ABCG5: variants seen among roughly 807,000 people sequenced by gnomAD.
ABCG5 encodes ATP binding cassette subfamily G member 5.
In ABCG5, 64 loss-of-function variants were observed where a neutral mutation model predicts 64.5. The observed-to-expected ratio is 0.99, with a 90% CI of 0.81 to 1.22. ABCG5 has a LOEUF of 1.22. Among genes scored for constraint, ABCG5 ranks in the 50% most tolerant of loss-of-function variants. The pLI, the probability that ABCG5 is intolerant of heterozygous loss-of-function variation, is 0.00. For synonymous variants in ABCG5, 385 were observed against 326.3 expected (o/e 1.18, Z -1.94); for missense variants, 908 against 829.5 (o/e 1.09, Z -1.16).
At chr2:43,813,848 G>C (rs751317893) in intron 12 of ABCG5, among the ~76,000 whole-genome samples, 9 of 150,994 alleles carry the variant, frequency 6.0e-5, no homozygotes, top group Non-Finnish European at 1.3e-4. Flanking sequence ...CTCCTGTGTA[G>C]CTGGGATTTA....
intron 6 of ABCG5, among the ~76,000 whole-genome samples, chr2:43,825,598 TTTGTTGTTA>T (rs1442679058): frequency 5.0e-4 from 76 of 150,848 alleles, no homozygotes; most frequent in African/African-American, 1.7e-3. Flanking sequence ...TTGTTGTTGT[TTTGTTGTTA>T]TTGTTGTTGT....
In ABCG5 at chr2:43,821,541, T is replaced by C. The variant is rs142984608; in HGVS notation, c.1463+1256A>G. On this transcript the variant is annotated intron_variant, in intron 10 of 12. Transcript: ENST00000405322. Reference sequence around the variant, plus strand: ...CCAGTGCCCTCACTGCCGCAGATGCTGGACCCCTTCTGCCATTCTTTGCCT... The same window carrying C: ...CCAGTGCCCTCACTGCCGCAGATGCCGGACCCCTTCTGCCATTCTTTGCCT... Among the ~76,000 whole-genome samples, 1,119 of 152,322 alleles carry C rather than the reference T, an allele frequency of 7.3e-3. 15 individuals carry two copies. The highest frequency in any genetic ancestry group is 0.026 in the African/African-American group (1,067 of 41,570).
chr2:43,817,876 T>C (rs889009603), intron 11 of ABCG5, among the ~76,000 whole-genome samples: 7 of 151,394 alleles, frequency 4.6e-5, no homozygotes, highest in African/African-American at 1.7e-4. Context: ...CGCCACTGCA[T>C]TCCAGCCTGG....
In ABCG5 at chr2:43,838,591, G is replaced by T; in HGVS notation, c.89C>A (p.Ala30Asp). 1 of 1,611,224 alleles carries T rather than the reference G, an allele frequency of 6.2e-7. No individual in the cohort carries two copies. Among genetic ancestry groups the T allele is most frequent in the Non-Finnish European group, 8.5e-7 (1 of 1,179,218 alleles). Residue 30 changes from alanine to aspartate, a missense_variant, in exon 1 of 13, where the codon GCC becomes GAC. Coordinates refer to ENST00000405322, the MANE Select transcript of ABCG5 (RefSeq NM_022436.3). This position sits in a 1 kb window ranked among gnomAD's most constrained non-coding sequence, Gnocchi z 4.2. ...CAGGCTGTGAGGCTCCGGGGCGGTG[G>T]CAGGAGCCCCCTCCAGGGAGCTCTG... ...GSQSSLEGAP[A>D]TAPEPHSLGI...
chr2:43,828,010 T>C lies in ABCG5; in HGVS notation c.607A>G (p.Ile203Val). The C allele has an allele frequency of 1.2e-6, 2 of 1,614,098 alleles. No individual in the cohort carries two copies. The highest frequency in any genetic ancestry group is 1.1e-5 in the South Asian group (1 of 91,074). Residue 203 changes from isoleucine to valine, a missense_variant, in exon 5 of 13, where the codon ATC (isoleucine) becomes GTC (valine). By Grantham distance (29) the Ile-to-Val change is conservative. Coordinates refer to ENST00000405322, the MANE Select transcript of ABCG5 (RefSeq NM_022436.3). ...GGATCCTGGAGCAGCTGGGCTGCGATGGAGACCCGGCGCCGCTCACCCGTG... is the reference window on the plus strand; with the variant it reads ...GGATCCTGGAGCAGCTGGGCTGCGACGGAGACCCGGCGCCGCTCACCCGTG... The part of the protein sequence containing the change: ...ISTGERRRVS[I>V]AAQLLQDPKV...
chr2:43,828,195 A>G, intron 4 of ABCG5, 80 bp from the exon 5 acceptor site: 3 of 1,600,916 alleles, frequency 1.9e-6, no homozygotes, highest in Admixed American at 3.4e-5. Flanking sequence ...AGGACATGAA[A>G]GAGGCAGCAC....
chr2:43,832,709 TGGGGCATA>T (rs1668026331), intron 2 of ABCG5: 1 of 155,340 alleles, frequency 6.4e-6, no homozygotes, highest in Non-Finnish European at 1.4e-5. Flanking sequence ...CACTAGAGCC[TGGGGCATA>T]GCCTAGCTGG....
Position 43,812,802 on chromosome 2 carries a change from G to T in ABCG5, c.*314C>A. 3.1e-6 allele frequency: 1 copy of T among 320,916 alleles called. No homozygotes were observed. Among genetic ancestry groups the T allele is most frequent in the Non-Finnish European group, 5.8e-6 (1 of 171,602 alleles). 19.9% of individuals were successfully genotyped at this position (320,916 alleles called of 1,614,324 possible). On this transcript the variant is annotated 3_prime_UTR_variant, in exon 13 of 13. Coordinates refer to ENST00000405322, the MANE Select transcript of ABCG5 (RefSeq NM_022436.3). Reference sequence around the variant, plus strand: ...TTTAAGCTGACCTATTTTTTTCTGTGCCTAGAACAAGGAAAAAAAATAGTC... The same window carrying T: ...TTTAAGCTGACCTATTTTTTTCTGTTCCTAGAACAAGGAAAAAAAATAGTC...
rs113990483 is a variant in ABCG5, at chr2:43,837,120, C to CT, written c.265+713dup. ...GAACTTTTAAATATTATTCTCCAGT[C>CT]TTTTTTTTTTTTTTTTTGAGACAGG... On this transcript the variant is annotated intron_variant, in intron 2 of 12. Coordinates refer to ENST00000405322, the MANE Select transcript of ABCG5 (RefSeq NM_022436.3). Among the ~76,000 whole-genome samples the CT allele has an allele frequency of 9.1e-3, 1,200 of 131,334 alleles. 11 individuals carry two copies. The highest frequency in any genetic ancestry group is 0.011 in the African/African-American group (401 of 35,058). 86.2% of individuals were successfully genotyped at this position (131,334 alleles called of 152,430 possible).
At chr2:43,818,730 C>T (rs1667006076) in intron 11 of ABCG5, among the ~76,000 whole-genome samples, 1 of 152,142 alleles carries the variant, frequency 6.6e-6, no homozygotes, top group African/African-American at 2.4e-5. Context: ...AAAAAATATC[C>T]TCCTTGATTT....
chr2:43,827,047 G>A (rs1215169697), intron 5 of ABCG5, among the ~76,000 whole-genome samples: 1 of 152,176 alleles, frequency 6.6e-6, no homozygotes, highest in Non-Finnish European at 1.5e-5. Context: ...CAAGGGGGCC[G>A]GGCGCGGTGG....
chr2:43,812,594 C>T lies in ABCG5; in HGVS notation c.*522G>A, dbSNP rs77105521. ...CTCTCTCGATGTGATCAGGTAACTC[C>T]GACCCCTCGTGTGGACATCTGCATT... On this transcript the variant is annotated 3_prime_UTR_variant, in exon 13 of 13. Coordinates refer to ENST00000405322, the MANE Select transcript of ABCG5 (RefSeq NM_022436.3). 0.18 allele frequency: 29,821 copies of T among 169,228 alleles called. 2,858 individuals are homozygous for T. Among genetic ancestry groups the T allele is most frequent in the Middle Eastern group, 0.3 (101 of 342 alleles). The allele number at this position is 169,228 out of a possible 1,614,324, so 10.5% of individuals were successfully genotyped here. A position where few individuals can be genotyped will look rare whatever the true frequency, so the allele number is the denominator to read the frequency against.
At chr2:43,806,665 G>A in the ABCG5 span, among the ~76,000 whole-genome samples, 1 of 152,140 alleles carries the variant, frequency 6.6e-6, no homozygotes, top group Non-Finnish European at 1.5e-5. Flanking sequence ...TGTTTATATT[G>A]TATAATGATC....
intron 9 of ABCG5, 63 bp downstream of exon 9, chr2:43,823,836 GACTTTTGTAAGGTT>G: frequency 1.3e-6 from 2 of 1,523,574 alleles, no homozygotes; most frequent in Non-Finnish European, 1.8e-6. Flanking sequence ...TATAATGGTA[GACTTTTGTAAGGTT>G]ACAGCTGGAG....
chr2:43,832,214 T>G, intron 2 of ABCG5, 131 bp from the exon 3 acceptor site: 2 of 1,299,866 alleles, frequency 1.5e-6, no homozygotes, highest in South Asian at 2.6e-5. Context: ...TTCTAGGTGT[T>G]AAGGACACAG....
Position 43,838,019 on chromosome 2 carries a change from C to A in ABCG5, c.144-64G>T. On this transcript the variant is annotated intron_variant, in intron 1 of 12. Transcript: ENST00000405322. This position sits in a 1 kb window ranked among gnomAD's most constrained non-coding sequence, Gnocchi z 4.2. Reference sequence around the variant, plus strand: ...GCCCTGGAAGGGGCCACACCCAGGTCCCCAGCATTGATCCTACCTGTGCCC... The same window carrying A: ...GCCCTGGAAGGGGCCACACCCAGGTACCCAGCATTGATCCTACCTGTGCCC... 6.2e-7 allele frequency: 1 copy of A among 1,608,928 alleles called. No individual in the cohort carries two copies. The highest frequency in any genetic ancestry group is 1.1e-5 in the South Asian group (1 of 90,570).
chr2:43,832,511 C>T (rs562385850), intron 2 of ABCG5: 1 of 236,390 alleles, frequency 4.2e-6, no homozygotes, highest in African/African-American at 2.2e-5. Flanking sequence ...CTGGTTGTAC[C>T]TGGATGTAGG....
At chr2:43,836,856 G>A (rs973382525) in intron 2 of ABCG5, among the ~76,000 whole-genome samples, 2 of 152,088 alleles carry the variant, frequency 1.3e-5, no homozygotes, top group East Asian at 1.9e-4. Context: ...TAGCAAGAAC[G>A]CTGTCTCTAC....
In ABCG5 at chr2:43,838,412, G is replaced by C. The variant is rs1375683806; in HGVS notation, c.143+125C>G. 1.1e-6 allele frequency: 1 copy of C among 896,998 alleles called. No homozygotes were observed. The highest frequency in any genetic ancestry group is 1.7e-6 in the Non-Finnish European group (1 of 586,778). 55.6% of individuals were successfully genotyped at this position (896,998 alleles called of 1,614,324 possible). A position where few individuals can be genotyped will look rare whatever the true frequency, so the allele number is the denominator to read the frequency against. On this transcript the variant is annotated intron_variant, in intron 1 of 12. Coordinates refer to ENST00000405322, the MANE Select transcript of ABCG5 (RefSeq NM_022436.3). This position sits in a 1 kb window ranked among gnomAD's most constrained non-coding sequence, Gnocchi z 4.2. ...CCTTCTCCCTCTCCTCTCTCCACCC[G>C]ATCCACTAAAGAGGGAGCCCGAAGT...
Sources: gnomAD v4.1 joint callset for allele counts (sites outside exome capture counted in the v4.1 genomes callset) on GRCh38, gnomAD v4.1.1 for gene constraint, Gnocchi (gnomAD v3.1) non-coding constraint, MANE v1.5 for transcripts, NCBI Gene and HGNC (gene_info 2026-07-23, HGNC 2026-07-21) for gene names.